RPSA2: variants seen among roughly 807,000 people sequenced by gnomAD.
The protein encoded by RPSA2 is ribosomal protein SA 2.
chr19:23,788,634 C>G, the RPSA2 span, among the ~76,000 whole-genome samples: 3 of 152,124 alleles, frequency 2.0e-5, no homozygotes, highest in Non-Finnish European at 4.4e-5. Context: ...CTTCGTCAGC[C>G]TCTACCCTGC....
the RPSA2 span, among the ~76,000 whole-genome samples, chr19:23,765,835 G>T: frequency 6.6e-6 from 1 of 152,292 alleles, no homozygotes; most frequent in East Asian, 1.9e-4. Context: ...TTTTATGTGT[G>T]TATGACACCT....
the RPSA2 span, among the ~76,000 whole-genome samples, chr19:23,837,723 G>A: frequency 6.6e-6 from 1 of 152,138 alleles, no homozygotes; most frequent in African/African-American, 2.4e-5. Context: ...TATTGTAAAA[G>A]GGGATGAGTT....
At chr19:23,771,047 G>A in the RPSA2 span, among the ~76,000 whole-genome samples, 1 of 152,132 alleles carries the variant, frequency 6.6e-6, no homozygotes, top group South Asian at 2.1e-4. Flanking sequence ...CCTCCTCTTT[G>A]TATGAAGGTC....
chr19:23,759,941 G>A, the RPSA2 span, among the ~76,000 whole-genome samples: 1 of 152,114 alleles, frequency 6.6e-6, no homozygotes, highest in Non-Finnish European at 1.5e-5. Flanking sequence ...CTCAGGCCAG[G>A]CCAGGCCATC....
the RPSA2 span, chr19:23,782,542 G>C: frequency 6.6e-6 from 1 of 152,146 alleles, no homozygotes; most frequent in Admixed American, 6.5e-5. Context: ...TTCCTCTTCT[G>C]CCGGGGCCAT....
the RPSA2 span, among the ~76,000 whole-genome samples, chr19:23,846,880 C>T: frequency 6.6e-6 from 1 of 152,136 alleles, no homozygotes; most frequent in African/African-American, 2.4e-5. Context: ...GATTGCTGAG[C>T]TTCCTGTATA....
the RPSA2 span, among the ~76,000 whole-genome samples, chr19:23,767,847 A>G: frequency 1.4e-5 from 2 of 139,710 alleles, no homozygotes; most frequent in Non-Finnish European, 3.0e-5. Flanking sequence ...GCTCACCACA[A>G]CCTCCGCCTC....
At chr19:23,761,907 T>TCCCTC in the RPSA2 span, among the ~76,000 whole-genome samples, 1 of 31,706 alleles carries the variant, frequency 3.2e-5, no homozygotes, top group African/African-American at 1.1e-4. Context: ...CGTAATTCTT[T>TCCCTC]CTTTCTTTCT....
chr19:23,797,457 G>C, the RPSA2 span, among the ~76,000 whole-genome samples: 2 of 152,074 alleles, frequency 1.3e-5, no homozygotes, highest in East Asian at 3.9e-4. Flanking sequence ...CTTGGTTTTT[G>C]CCTTAATTTC....
chr19:23,839,483 T>C, the RPSA2 span, among the ~76,000 whole-genome samples: 1 of 152,182 alleles, frequency 6.6e-6, no homozygotes, highest in African/African-American at 2.4e-5. Context: ...CAAATCTGTT[T>C]CCATGTGGAG....
chr19:23,798,740 C>T, the RPSA2 span, among the ~76,000 whole-genome samples: 1 of 152,008 alleles, frequency 6.6e-6, no homozygotes, highest in African/African-American at 2.4e-5. Flanking sequence ...TTAATTTAAC[C>T]AATAGAGATA....
the RPSA2 span, among the ~76,000 whole-genome samples, chr19:23,800,376 A>T: frequency 6.6e-6 from 1 of 151,920 alleles, no homozygotes; most frequent in African/African-American, 2.4e-5. Context: ...TCTGGGGCTG[A>T]AGAGAATTTT....
chr19:23,773,284 A>G, the RPSA2 span, among the ~76,000 whole-genome samples: 1 of 31,032 alleles, frequency 3.2e-5, no homozygotes, highest in Non-Finnish European at 6.1e-5. Context: ...ATATATATAT[A>G]TATCAAATTT....
At chr19:23,867,669 AAAT>A in the RPSA2 span, among the ~76,000 whole-genome samples, 1 of 152,102 alleles carries the variant, frequency 6.6e-6, no homozygotes, top group Non-Finnish European at 1.5e-5. Flanking sequence ...CCTCTACTAA[AAAT>A]ACAAAAAATT....
the RPSA2 span, among the ~76,000 whole-genome samples, chr19:23,834,725 C>A: frequency 6.6e-6 from 1 of 151,824 alleles, no homozygotes; most frequent in Non-Finnish European, 1.5e-5. Flanking sequence ...ATCATGAATC[C>A]ATTGAAATGT....
chr19:23,833,113 G>T, the RPSA2 span: 1 of 1,237,078 alleles, frequency 8.1e-7, no homozygotes, highest in Non-Finnish European at 1.0e-6. Context: ...TAAACATAAG[G>T]TAATTCTTAC....
At chr19:23,867,503 C>A in the RPSA2 span, among the ~76,000 whole-genome samples, 23 of 150,218 alleles carry the variant, frequency 1.5e-4, no homozygotes, top group African/African-American at 5.7e-4. Flanking sequence ...TACAAGGAAA[C>A]CCTAACCCAA....
the RPSA2 span, among the ~76,000 whole-genome samples, chr19:23,860,622 G>C: frequency 6.6e-6 from 1 of 152,126 alleles, no homozygotes; most frequent in Non-Finnish European, 1.5e-5. Flanking sequence ...ATCTTCAACA[G>C]ATGAGACAAG....
chr19:23,781,044 G>C, the RPSA2 span, among the ~76,000 whole-genome samples: 2 of 152,056 alleles, frequency 1.3e-5, no homozygotes, highest in African/African-American at 4.8e-5. Flanking sequence ...GCATGATCTC[G>C]GCTCACTGCA....
Sources: allele counts gnomAD v4.1 joint callset (sites outside exome capture counted in the v4.1 genomes callset), GRCh38; gene constraint gnomAD v4.1.1; transcripts MANE v1.5; gene names NCBI Gene and HGNC (gene_info 2026-07-23, HGNC 2026-07-21).